Variants in GPR158 observed in about 807,000 individuals in gnomAD.
GPR158 encodes the protein G protein-coupled receptor 158, also known as metabotropic glycine receptor.
In GPR158, 30 loss-of-function variants were observed where a neutral mutation model predicts 78.2. The ratio of observed to expected loss-of-function variants is 0.38; its 90% CI spans 0.29 to 0.52. The LOEUF (loss-of-function observed/expected upper bound fraction) is 0.52, where lower values mean the gene tolerates loss of function less well. Ranked by LOEUF, GPR158 falls within the 20% of genes least tolerant of loss-of-function variation. GPR158 has a pLI of 0.83. For missense variants in GPR158, 1,463 were observed against 1,523.5 expected (o/e 0.96, Z 0.66); for synonymous variants, 581 against 591.1 (o/e 0.98, Z 0.25).
At position 25,176,445 on chromosome 10, in the gene GPR158, T is replaced by A; in HGVS notation, c.902+123T>A. ...ACGCGAACGCTTCTCACCCTCAGAGTAGAGACCCGGGCTGAGGGACACCCC... is the reference window on the plus strand; with the variant it reads ...ACGCGAACGCTTCTCACCCTCAGAGAAGAGACCCGGGCTGAGGGACACCCC... On this transcript the variant is annotated intron_variant, in intron 1 of 10. Coordinates refer to ENST00000376351, the MANE Select transcript of GPR158 (RefSeq NM_020752.3). This position sits in a 1 kb window ranked among gnomAD's most constrained non-coding sequence, Gnocchi z 6.3. 2.4e-6 allele frequency: 2 copies of A among 823,058 alleles called. No individual in the cohort carries two copies. Among genetic ancestry groups the A allele is most frequent in the Non-Finnish European group, 3.7e-6 (2 of 543,786 alleles). The allele number at this position is 823,058 out of a possible 1,614,324, so 51.0% of individuals were successfully genotyped here.
chr10:25,321,924 T>C (rs1034381346), intron 2 of GPR158, among the ~76,000 whole-genome samples: 1 of 152,206 alleles, frequency 6.6e-6, no homozygotes, highest in Admixed American at 6.5e-5. Flanking sequence ...TTAGAGAATA[T>C]GGAAAAGAGA....
At chr10:25,475,033 A>AT (rs1437777037) in intron 5 of GPR158, among the ~76,000 whole-genome samples, 4 of 152,184 alleles carry the variant, frequency 2.6e-5, no homozygotes, top group African/African-American at 9.6e-5. Flanking sequence ...CTGTAGAAGA[A>AT]TTGTAAAGCT....
intron 2 of GPR158, among the ~76,000 whole-genome samples, chr10:25,283,730 A>G (rs1286958042): frequency 6.6e-6 from 1 of 151,978 alleles, no homozygotes; most frequent in African/African-American, 2.4e-5. Context: ...CTTTTCTAAT[A>G]TAAATAATCT....
At chr10:25,567,464 T>A (rs1836945230) in intron 6 of GPR158, among the ~76,000 whole-genome samples, 1 of 152,198 alleles carries the variant, frequency 6.6e-6, no homozygotes, top group African/African-American at 2.4e-5. Context: ...TTCTCATTCA[T>A]AACAAGTTTC....
intron 1 of GPR158, among the ~76,000 whole-genome samples, chr10:25,195,087 T>A (rs935502171): frequency 5.3e-5 from 8 of 152,140 alleles, no homozygotes; most frequent in Non-Finnish European, 1.0e-4. Context: ...CTACGTTTTA[T>A]TTGTGCATAT....
intron 6 of GPR158, among the ~76,000 whole-genome samples, chr10:25,570,292 T>C (rs1186762326): frequency 6.6e-6 from 1 of 152,194 alleles, no homozygotes; most frequent in East Asian, 1.9e-4. Flanking sequence ...TTTGTTGAAG[T>C]TTTTTAAAGT....
chr10:25,591,990 A>G (rs1189604698), intron 8 of GPR158, among the ~76,000 whole-genome samples: 1 of 152,052 alleles, frequency 6.6e-6, no homozygotes, highest in Admixed American at 6.6e-5. Flanking sequence ...GAACTTATAC[A>G]TGTGATGGTT....
chr10:25,238,751 C>G (rs1294723423), intron 2 of GPR158, among the ~76,000 whole-genome samples: 1 of 152,220 alleles, frequency 6.6e-6, no homozygotes, highest in African/African-American at 2.4e-5. Context: ...GTATCAAATG[C>G]CAATCCAGCG....
chr10:25,295,748 GA>G, intron 2 of GPR158, among the ~76,000 whole-genome samples: 1 of 152,206 alleles, frequency 6.6e-6, no homozygotes. Context: ...AATAAAACCT[GA>G]AAAAACTTTT....
At chr10:25,262,775 A>T (rs1364104047) in intron 2 of GPR158, among the ~76,000 whole-genome samples, 1 of 152,216 alleles carries the variant, frequency 6.6e-6, no homozygotes, top group East Asian at 1.9e-4. Flanking sequence ...GGCATTGTAC[A>T]TTCTACTATA....
At chr10:25,478,171 T>C (rs954501754) in intron 5 of GPR158, among the ~76,000 whole-genome samples, 1 of 152,134 alleles carries the variant, frequency 6.6e-6, no homozygotes, top group East Asian at 1.9e-4. Flanking sequence ...CTTCCTTTAG[T>C]TGAAAGAGTT....
At chr10:25,436,460 A>G (rs1450819993) in intron 4 of GPR158, among the ~76,000 whole-genome samples, 1 of 152,248 alleles carries the variant, frequency 6.6e-6, no homozygotes, top group African/African-American at 2.4e-5. Context: ...TAGGAAGTAT[A>G]GAAAGAAGAA....
chr10:25,365,989 A>G (rs952714182), intron 2 of GPR158, among the ~76,000 whole-genome samples: 4 of 151,682 alleles, frequency 2.6e-5, no homozygotes, highest in Non-Finnish European at 4.4e-5. Flanking sequence ...AATTTAGCAT[A>G]TATGACTTAT....
At chr10:25,296,341 G>A (rs540398377) in intron 2 of GPR158, among the ~76,000 whole-genome samples, 1 of 152,220 alleles carries the variant, frequency 6.6e-6, no homozygotes, top group African/African-American at 2.4e-5. Context: ...AGGTGCAGGT[G>A]CATCACCTAG....
intron 2 of GPR158, among the ~76,000 whole-genome samples, chr10:25,235,693 A>ATTT (rs930396368): frequency 1.4e-3 from 156 of 113,790 alleles, no homozygotes; most frequent in African/African-American, 3.9e-3. Context: ...TTGCACAGTA[A>ATTT]TTTTTTTTTT....
chr10:25,233,117 A>T (rs979982802), intron 2 of GPR158, among the ~76,000 whole-genome samples: 1 of 152,232 alleles, frequency 6.6e-6, no homozygotes, highest in Non-Finnish European at 1.5e-5. Flanking sequence ...ACATGCTCAG[A>T]GGGACTTATA....
At chr10:25,580,952 C>T (rs1837188473) in intron 7 of GPR158, among the ~76,000 whole-genome samples, 1 of 135,964 alleles carries the variant, frequency 7.4e-6, no homozygotes. Context: ...GAGTCTCGCT[C>T]TGTTGCCCAG....
intron 2 of GPR158, among the ~76,000 whole-genome samples, chr10:25,239,723 T>C (rs1389052791): frequency 6.6e-6 from 1 of 152,210 alleles, no homozygotes; most frequent in East Asian, 1.9e-4. Context: ...TCTTTGTCTC[T>C]TTCCTTCAGT....
intron 2 of GPR158, among the ~76,000 whole-genome samples, chr10:25,224,127 A>G (rs1853339960): frequency 6.6e-6 from 1 of 152,192 alleles, no homozygotes; most frequent in South Asian, 2.1e-4. Context: ...CATTTTTTGA[A>G]GGACATGTCT....
Sources: allele counts gnomAD v4.1 joint callset (sites outside exome capture counted in the v4.1 genomes callset), GRCh38; gene constraint gnomAD v4.1.1; non-coding constraint Gnocchi (gnomAD v3.1); transcripts MANE v1.5; gene names NCBI Gene and HGNC (gene_info 2026-07-23, HGNC 2026-07-21).